TRMT44: variants seen among roughly 807,000 people sequenced by gnomAD.
TRMT44 encodes tRNA methyltransferase 44 homolog, also known as probable tRNA (uracil-O(2)-)-methyltransferase.
Under a neutral mutation model 77.3 loss-of-function variants are expected in TRMT44, and 78 were observed. That is an observed-to-expected ratio of 1.01 (90% confidence interval 0.84 to 1.22). The LOEUF (loss-of-function observed/expected upper bound fraction) is 1.22, where lower values mean the gene tolerates loss of function less well. TRMT44 is among the 50% of genes most tolerant of loss of function. The pLI is 0.00. For missense variants in TRMT44, 1,090 were observed against 964.4 expected (o/e 1.13, Z -1.73); for synonymous variants, 391 against 383.3 (o/e 1.02, Z -0.23).
intron 6 of TRMT44, among the ~76,000 whole-genome samples, chr4:8,458,757 G>T (rs949048152): frequency 6.6e-6 from 1 of 151,854 alleles, no homozygotes; most frequent in Non-Finnish European, 1.5e-5. Flanking sequence ...AGCCAGCCAC[G>T]ATTTTCTTAA....
chr4:8,507,992 C>A, the TRMT44 span, among the ~76,000 whole-genome samples: 4,532 of 152,274 alleles, frequency 0.03, 203 homozygotes, highest in African/African-American at 0.1. Flanking sequence ...CTGCAACCTC[C>A]AGCTCCCAGG....
At chr4:8,481,165 A>G (rs1424644405), downstream of TRMT44, among the ~76,000 whole-genome samples, 29 of 152,240 alleles carry the variant, frequency 1.9e-4, no homozygotes, top group Admixed American at 1.9e-3. Flanking sequence ...CTTTCTATCA[A>G]TCCCAGGTCT....
chr4:8,465,273 C>T, intron 7 of TRMT44, 105 bp from the exon 8 acceptor site: 1 of 1,022,232 alleles, frequency 9.8e-7, no homozygotes, highest in South Asian at 1.6e-5. Flanking sequence ...AACATCACTT[C>T]CCTATTTTGC....
chr4:8,446,208 C>T lies in TRMT44; in HGVS notation c.620-268C>T, dbSNP rs1725045465. On this transcript the variant is annotated intron_variant, in intron 1 of 10. Coordinates refer to ENST00000389737, the MANE Select transcript of TRMT44 (RefSeq NM_152544.3). This position sits in a 1 kb window ranked among gnomAD's most constrained non-coding sequence, Gnocchi z 4.3. ...GTAGCTCTCAAGTTCCAATAGAGTC[C>T]ACATTGGCTGGCTCTTCCCTCAGGT... is the stretch of plus-strand genomic sequence containing the variant. Among the ~76,000 whole-genome samples the T allele has an allele frequency of 6.6e-6, 1 of 152,166 alleles. No individual in the cohort carries two copies. The highest frequency in any genetic ancestry group is 1.5e-5 in the Non-Finnish European group (1 of 68,034).
the TRMT44 span, among the ~76,000 whole-genome samples, chr4:8,514,513 G>T: frequency 3.9e-5 from 6 of 152,026 alleles, no homozygotes; most frequent in Non-Finnish European, 7.4e-5. Flanking sequence ...CTGACCTCAG[G>T]TGATCCGCCC....
chr4:8,458,005 G>A (rs946486524), intron 6 of TRMT44, among the ~76,000 whole-genome samples: 6 of 152,244 alleles, frequency 3.9e-5, no homozygotes, highest in African/African-American at 1.2e-4. Context: ...GGAGATGAGT[G>A]CTGCCAACCC....
At chr4:8,515,537 C>T in the TRMT44 span, among the ~76,000 whole-genome samples, 1 of 152,202 alleles carries the variant, frequency 6.6e-6, no homozygotes, top group East Asian at 1.9e-4. Context: ...AGGGGCAGGG[C>T]CAGGGCTGTG....
intron 6 of TRMT44, among the ~76,000 whole-genome samples, chr4:8,460,134 T>C (rs528504527): frequency 3.9e-5 from 6 of 152,222 alleles, no homozygotes; most frequent in Non-Finnish European, 5.9e-5. Context: ...ACAGAGAAAA[T>C]GACTCCCTAA....
intron 2 of TRMT44, among the ~76,000 whole-genome samples, chr4:8,484,814 C>T (rs921417496): frequency 6.6e-6 from 1 of 152,006 alleles, no homozygotes; most frequent in Non-Finnish European, 1.5e-5. Context: ...TCCAACCATG[C>T]CCAGGAAGGA....
At chr4:8,504,529 G>A in the TRMT44 span, among the ~76,000 whole-genome samples, 1 of 152,096 alleles carries the variant, frequency 6.6e-6, no homozygotes, top group Non-Finnish European at 1.5e-5. The surrounding 1 kb of genome is among the most constrained non-coding windows in gnomAD (Gnocchi z 5.3). Flanking sequence ...GCCATTCCTT[G>A]GGTGTGGACC....
At chr4:8,494,388 GA>G (rs1728094548), downstream of TRMT44, among the ~76,000 whole-genome samples, 1 of 152,174 alleles carries the variant, frequency 6.6e-6, no homozygotes, top group Admixed American at 6.5e-5. Flanking sequence ...CTGCTCACCT[GA>G]GACAAATGCA....
the TRMT44 span, among the ~76,000 whole-genome samples, chr4:8,505,047 C>T: frequency 6.6e-6 from 1 of 152,166 alleles, no homozygotes; most frequent in African/African-American, 2.4e-5. Context: ...CTCCCTCCAC[C>T]AACAACAGCT....
intron 2 of TRMT44, among the ~76,000 whole-genome samples, chr4:8,489,965 A>T (rs759652720): frequency 6.6e-6 from 1 of 152,180 alleles, no homozygotes; most frequent in Non-Finnish European, 1.5e-5. Flanking sequence ...TAGCATCACT[A>T]TTGTAGAATC....
chr4:8,486,149 C>A (rs985259561), intron 2 of TRMT44, among the ~76,000 whole-genome samples: 1 of 152,184 alleles, frequency 6.6e-6, no homozygotes, highest in African/African-American at 2.4e-5. Context: ...AGTCCAGTTT[C>A]CAGTGGGGTC....
chr4:8,488,430 A>C (rs1179619267), intron 2 of TRMT44, among the ~76,000 whole-genome samples: 1 of 152,094 alleles, frequency 6.6e-6, no homozygotes, highest in Admixed American at 6.6e-5. Flanking sequence ...CAGTCAAAGG[A>C]GGTTTGTTCT....
chr4:8,515,772 C>G, the TRMT44 span, among the ~76,000 whole-genome samples: 1 of 152,190 alleles, frequency 6.6e-6, no homozygotes, highest in South Asian at 2.1e-4. Flanking sequence ...CCTCAGCCTC[C>G]GCTCAAACGT....
chr4:8,475,589 A>T (rs945170872), intron 10 of TRMT44, among the ~76,000 whole-genome samples, 183 bp from the exon 11 acceptor site: 1 of 152,118 alleles, frequency 6.6e-6, no homozygotes, highest in African/African-American at 2.4e-5. Flanking sequence ...GACACATCCC[A>T]TACCTCAGTC....
downstream of TRMT44, among the ~76,000 whole-genome samples, chr4:8,495,952 GA>G (rs1728137987): frequency 6.6e-6 from 1 of 152,190 alleles, no homozygotes. Flanking sequence ...TATTCATTCT[GA>G]TTGTTTCCCT....
At chr4:8,467,484 T>TTTGA (rs1726664774) in intron 8 of TRMT44, among the ~76,000 whole-genome samples, 1 of 152,164 alleles carries the variant, frequency 6.6e-6, no homozygotes, top group Non-Finnish European at 1.5e-5. Context: ...TTATTTTTAT[T>TTTGA]GATTTATTTA....
Sources: allele counts gnomAD v4.1 joint callset (sites outside exome capture counted in the v4.1 genomes callset), GRCh38; gene constraint gnomAD v4.1.1; non-coding constraint Gnocchi (gnomAD v3.1); transcripts MANE v1.5; gene names NCBI Gene and HGNC (gene_info 2026-07-23, HGNC 2026-07-21).